The following NRG1 variants were observed in gnomAD, a reference collection of about 807,000 sequenced individuals.
NRG1 encodes pro-neuregulin-1, membrane-bound isoform.
In NRG1, 18 loss-of-function variants were observed where a neutral mutation model predicts 63.8. That is an observed-to-expected ratio of 0.28 (90% confidence interval 0.19 to 0.42). The LOEUF (loss-of-function observed/expected upper bound fraction) is 0.42, where lower values mean the gene tolerates loss of function less well. NRG1 is among the 10% of genes least tolerant of loss of function. The pLI is 1.00. For synonymous variants in NRG1, 302 were observed against 301.3 expected, an observed-to-expected ratio of 1.00 and a Z score of -0.02; for missense variants, 762 against 814.7, an observed-to-expected ratio of 0.94 and a Z score of 0.79.
chr8:31,997,141 T>G (rs1812125079), intron 1 of NRG1, among the ~76,000 whole-genome samples: 1 of 151,682 alleles, frequency 6.6e-6, no homozygotes, highest in African/African-American at 2.4e-5. Context: ...CATTTTTTTA[T>G]CATTTGCCCA....
At chr8:31,649,457 G>T (rs1039487631) in intron 1 of NRG1, among the ~76,000 whole-genome samples, 1 of 152,064 alleles carries the variant, frequency 6.6e-6, no homozygotes, top group Non-Finnish European at 1.5e-5. Context: ...TATTGTTGTT[G>T]TTTTCTATAC....
rs373916157 is a variant in NRG1, at chr8:32,076,562, C to T, written c.37+437131C>T. Among the ~76,000 whole-genome samples the T allele has an allele frequency of 1.1e-4, 16 of 152,042 alleles. 1 individual carries two copies. The highest frequency in any genetic ancestry group is 3.6e-4 in the African/African-American group (15 of 41,476). On this transcript the variant is annotated intron_variant, in intron 1 of 10. Transcript: ENST00000519301. The stretch of plus-strand genomic sequence containing the variant: ...ACTGTGGAACAGCACACACTGGGGT[C>T]TATCGGAGGGTGGAAAGTGGGTGGA...
intron 1 of NRG1, among the ~76,000 whole-genome samples, chr8:32,185,574 A>G (rs1356879033): frequency 6.6e-6 from 1 of 152,184 alleles, no homozygotes; most frequent in Non-Finnish European, 1.5e-5. Flanking sequence ...TATTTTACCT[A>G]TGGGGGAAAA....
At chr8:32,239,876 G>T (rs1233393206) in intron 1 of NRG1, among the ~76,000 whole-genome samples, 1 of 152,136 alleles carries the variant, frequency 6.6e-6, no homozygotes, top group East Asian at 1.9e-4. Context: ...CTACCTATCA[G>T]GATGGCTAAA....
chr8:31,713,506 G>T (rs887755146), intron 1 of NRG1, among the ~76,000 whole-genome samples: 1 of 152,034 alleles, frequency 6.6e-6, no homozygotes, highest in African/African-American at 2.4e-5. Flanking sequence ...GTGTATTTTT[G>T]TTGGTATTTT....
At chr8:32,509,870 A>C (rs1468170065) in intron 1 of NRG1, among the ~76,000 whole-genome samples, 2 of 152,122 alleles carry the variant, frequency 1.3e-5, no homozygotes, top group African/African-American at 4.8e-5. Flanking sequence ...TAATATGTTT[A>C]GAAGTTAACA....
chr8:31,823,271 A>G (rs1372450306), intron 1 of NRG1, among the ~76,000 whole-genome samples: 1 of 152,054 alleles, frequency 6.6e-6, no homozygotes, highest in Non-Finnish European at 1.5e-5. Context: ...AGTCTGCTAT[A>G]GGCATCTTGC....
chr8:31,924,061 T>A (rs1305907529), intron 1 of NRG1, among the ~76,000 whole-genome samples: 1 of 152,120 alleles, frequency 6.6e-6, no homozygotes, highest in African/African-American at 2.4e-5. Flanking sequence ...TTTCAAAAAA[T>A]TTCCTTATTT....
At chr8:31,668,014 A>G (rs939452002) in intron 1 of NRG1, among the ~76,000 whole-genome samples, 1 of 152,216 alleles carries the variant, frequency 6.6e-6, no homozygotes, top group African/African-American at 2.4e-5. Flanking sequence ...CACATGTCAC[A>G]TTAATTTCTG....
chr8:32,709,139 C>T (rs760704974), intron 5 of NRG1, among the ~76,000 whole-genome samples: 5 of 152,130 alleles, frequency 3.3e-5, no homozygotes, highest in South Asian at 4.1e-4. Flanking sequence ...CTTGACATTT[C>T]TACTCAACAT....
At chr8:32,298,931 G>A (rs1391113158) in intron 1 of NRG1, among the ~76,000 whole-genome samples, 2 of 148,548 alleles carry the variant, frequency 1.3e-5, no homozygotes, top group East Asian at 3.9e-4. Context: ...GGAGGCTGAG[G>A]CAGGAGAATT....
At chr8:32,428,559 C>T (rs548129199) in intron 1 of NRG1, among the ~76,000 whole-genome samples, 5 of 152,288 alleles carry the variant, frequency 3.3e-5, no homozygotes, top group Middle Eastern at 3.4e-3. Flanking sequence ...CGGTTTCACA[C>T]TTACGTGTGA....
At chr8:31,721,021 A>C (rs1812859217) in intron 1 of NRG1, among the ~76,000 whole-genome samples, 1 of 152,150 alleles carries the variant, frequency 6.6e-6, no homozygotes, top group South Asian at 2.1e-4. Context: ...CAAATAAATC[A>C]CATATGACTA....
chr8:32,399,086 A>T (rs984336494), intron 1 of NRG1, among the ~76,000 whole-genome samples: 1 of 152,202 alleles, frequency 6.6e-6, no homozygotes, highest in Non-Finnish European at 1.5e-5. Flanking sequence ...CAAGAAGTTC[A>T]AGCCAAAAAA....
chr8:31,660,738 A>G (rs888205182), intron 1 of NRG1, among the ~76,000 whole-genome samples: 1 of 152,228 alleles, frequency 6.6e-6, no homozygotes, highest in African/African-American at 2.4e-5. Flanking sequence ...CTCTTTTAGT[A>G]GAAGGAAATA....
At chr8:31,851,766 A>T (rs1586808285) in intron 1 of NRG1, among the ~76,000 whole-genome samples, 2 of 73,984 alleles carry the variant, frequency 2.7e-5, no homozygotes, top group African/African-American at 5.5e-5. Context: ...CCCTCCCCCC[A>T]CCCCACAACA....
At chr8:32,282,582 G>A (rs550325539) in intron 1 of NRG1, among the ~76,000 whole-genome samples, 46 of 152,250 alleles carry the variant, frequency 3.0e-4, no homozygotes, top group African/African-American at 7.9e-4. Context: ...ATTCAGAGCC[G>A]CTGTTCTCAT....
Position 32,482,398 on chromosome 8 carries a change from TTG to T in NRG1, c.38-113404_38-113403del, listed in dbSNP as rs10689849. Among the ~76,000 whole-genome samples, 1,398 of 148,256 alleles carry T rather than the reference TTG, an allele frequency of 9.4e-3. 64 individuals are homozygous for T. The highest frequency in any genetic ancestry group is 0.08 in the Admixed American group (1,195 of 14,924). On this transcript the variant is annotated intron_variant, in intron 1 of 10. Transcript: ENST00000519301. ...GGGGTTGTTTTCTTTCTTTCTACTTTTGTGTGTGTGTGTGTGTGTGTGTGTGT... is the reference window on the plus strand; with the variant it reads ...GGGGTTGTTTTCTTTCTTTCTACTTTTGTGTGTGTGTGTGTGTGTGTGTGT...
chr8:32,548,145 C>G, upstream of NRG1: 1 of 893,282 alleles, frequency 1.1e-6, no homozygotes. Context: ...GCGCCGAGCC[C>G]AGGCTCCTCC....
Sources: allele counts gnomAD v4.1 joint callset (sites outside exome capture counted in the v4.1 genomes callset), GRCh38; gene constraint gnomAD v4.1.1; transcripts MANE v1.5; gene names NCBI Gene and HGNC (gene_info 2026-07-23, HGNC 2026-07-21).